Variants in COL24A1 observed in about 807,000 individuals in gnomAD.
The protein encoded by COL24A1 is collagen alpha-1(XXIV) chain.
In COL24A1, 224 loss-of-function variants were observed where a neutral mutation model predicts 253.9. The ratio of observed to expected loss-of-function variants is 0.88; its 90% CI spans 0.79 to 0.99. The LOEUF is 0.99. Among genes scored for constraint, COL24A1 ranks in the 50% least tolerant of loss-of-function variants. The pLI is 0.00. For missense variants in COL24A1, 2,131 were observed against 2,068.5 expected (o/e 1.03, Z -0.59); for synonymous variants, 685 against 673.7 (o/e 1.02, Z -0.26).
At chr1:85,830,436 G>C (rs1179026847) in intron 43 of COL24A1, among the ~76,000 whole-genome samples, 1 of 152,142 alleles carries the variant, frequency 6.6e-6, no homozygotes, top group Non-Finnish European at 1.5e-5. Flanking sequence ...TCCTTGAGCT[G>C]TGGTGGGCTC....
At chr1:85,864,595 TATATC>T (rs1171284082) in intron 37 of COL24A1, among the ~76,000 whole-genome samples, 1 of 152,246 alleles carries the variant, frequency 6.6e-6, no homozygotes, top group South Asian at 2.1e-4. Context: ...ACAAGAAACA[TATATC>T]TTATCATTCT....
At chr1:85,874,444 T>G (rs957332826) in intron 35 of COL24A1, among the ~76,000 whole-genome samples, 1 of 152,176 alleles carries the variant, frequency 6.6e-6, no homozygotes, top group African/African-American at 2.4e-5. Context: ...AAAGGACATA[T>G]GAGGTTAAGA....
At chr1:85,829,314 C>T (rs1304696545) in intron 43 of COL24A1, among the ~76,000 whole-genome samples, 5 of 151,796 alleles carry the variant, frequency 3.3e-5, no homozygotes, top group Non-Finnish European at 7.4e-5. Flanking sequence ...ATGGGCTTTC[C>T]TTTGTGGGTA....
At chr1:85,815,591 G>A (rs1404141276) in intron 47 of COL24A1, among the ~76,000 whole-genome samples, 5 of 151,866 alleles carry the variant, frequency 3.3e-5, no homozygotes, top group East Asian at 1.9e-4. Flanking sequence ...TATTGGTTAA[G>A]TTATCATTTC....
chr1:85,737,466 T>C lies in COL24A1; in HGVS notation c.4712A>G (p.Asp1571Gly), dbSNP rs1372835791. 7 of 1,612,838 alleles carry C rather than the reference T, an allele frequency of 4.3e-6. No individual in the cohort carries two copies. The highest frequency in any genetic ancestry group is 5.9e-6 in the Non-Finnish European group (7 of 1,179,298). ...GAAATTGCAGAAAACCTCAATGGCA[T>C]CTGAAGGACAGCCAAGATTTGGGTC... ...WIDPNLGCPSDAIEVFCNFSA... is the reference protein window; with the variant it reads ...WIDPNLGCPSGAIEVFCNFSA... Residue 1571 changes from aspartate to glycine, a missense_variant, in exon 58 of 60, where the codon GAT becomes GGT. Asp to Gly is a moderately conservative substitution (Grantham distance 94). Transcript: ENST00000370571.
intron 3 of COL24A1, among the ~76,000 whole-genome samples, chr1:86,119,865 G>A (rs1018529195): frequency 2.0e-5 from 3 of 152,152 alleles, no homozygotes; most frequent in Non-Finnish European, 2.9e-5. Context: ...CAAAGCTGGA[G>A]GCATCACGCT....
Position 85,805,404 on chromosome 1 carries a change from T to C in COL24A1, c.3951+11384A>G, listed in dbSNP as rs1220619192. Among the ~76,000 whole-genome samples the C allele has an allele frequency of 3.3e-5, 5 of 152,288 alleles. No individual in the cohort carries two copies. The East Asian group carries it at 9.7e-4, about 29-fold the overall frequency. ...CCAATAGAATCACAACAGCAAATTA[T>C]TTGAAATAAAAAATTCAGCCATATT... On this transcript the variant is annotated intron_variant, in intron 47 of 59. Transcript: ENST00000370571.
intron 2 of COL24A1, among the ~76,000 whole-genome samples, chr1:86,129,721 T>TA: frequency 6.6e-6 from 1 of 151,966 alleles, no homozygotes; most frequent in Admixed American, 6.6e-5. Flanking sequence ...ATTTTGTTAT[T>TA]AAAATCTAAC....
chr1:86,132,479 T>C (rs1337537064), intron 2 of COL24A1, among the ~76,000 whole-genome samples: 1 of 152,186 alleles, frequency 6.6e-6, no homozygotes, highest in African/African-American at 2.4e-5. Context: ...GGTTTTCTTC[T>C]AGGGTTTTTA....
At chr1:86,123,916 A>T (rs1647806069) in intron 3 of COL24A1, among the ~76,000 whole-genome samples, 1 of 151,980 alleles carries the variant, frequency 6.6e-6, no homozygotes, top group African/African-American at 2.4e-5. Flanking sequence ...TCTAGAGCTA[A>T]GCCAAAGACT....
At position 85,987,590 on chromosome 1, in the gene COL24A1, C is replaced by G. The variant is rs962466490; in HGVS notation, c.2364+11G>C. The G allele has an allele frequency of 6.2e-7, 1 of 1,607,210 alleles. No individual in the cohort carries two copies. Among genetic ancestry groups the G allele is most frequent in the Non-Finnish European group, 8.5e-7 (1 of 1,175,416 alleles). On this transcript the variant is annotated intron_variant, in intron 20 of 59. Transcript: ENST00000370571. ...ATAATTGTTTAGTCTCTCTCTTCTT[C>G]TTCTTCTTACCTTTGGTCCTTCAGG...
intron 12 of COL24A1, 55 bp from the exon 13 acceptor site, chr1:86,033,978 G>C (rs1698799922): frequency 7.4e-7 from 1 of 1,356,564 alleles, no homozygotes; most frequent in Non-Finnish European, 9.9e-7. Flanking sequence ...CATTTTTGCT[G>C]TATTTTCTAA....
intron 18 of COL24A1, among the ~76,000 whole-genome samples, chr1:86,019,296 C>A (rs1341137879): frequency 6.6e-6 from 1 of 152,090 alleles, no homozygotes; most frequent in Non-Finnish European, 1.5e-5. Context: ...GTGGCTCACA[C>A]CTATAATCCC....
chr1:85,756,112 T>C (rs954497940), intron 55 of COL24A1, among the ~76,000 whole-genome samples: 21 of 138,512 alleles, frequency 1.5e-4, no homozygotes, highest in African/African-American at 5.5e-4. Context: ...GGCAAATAAC[T>C]TGAATAGACA....
intron 28 of COL24A1, among the ~76,000 whole-genome samples, chr1:85,902,517 A>C (rs1684414880): frequency 6.6e-6 from 1 of 152,208 alleles, no homozygotes; most frequent in Non-Finnish European, 1.5e-5. Context: ...GGGGCACTTC[A>C]GACTTCACTC....
chr1:86,058,961 A>G (rs1344602683), intron 9 of COL24A1, among the ~76,000 whole-genome samples, 160 bp downstream of exon 9: 2 of 152,168 alleles, frequency 1.3e-5, no homozygotes, highest in African/African-American at 4.8e-5. Context: ...CTGAAGAAAA[A>G]TTGTAATGGA....
chr1:85,998,592 G>C (rs939892156), intron 19 of COL24A1, among the ~76,000 whole-genome samples: 2 of 152,108 alleles, frequency 1.3e-5, no homozygotes, highest in African/African-American at 4.8e-5. Flanking sequence ...TTGGTCCCTT[G>C]CATTTCCACA....
At chr1:86,092,611 TTTATTA>T (rs1229587345) in intron 5 of COL24A1, among the ~76,000 whole-genome samples, 19 of 152,060 alleles carry the variant, frequency 1.2e-4, no homozygotes, top group Middle Eastern at 3.4e-3. Flanking sequence ...CCTAGGTAGA[TTTATTA>T]TTTTTTCCAT....
rs1468129758 is a variant in COL24A1 at position 86,140,411 on chromosome 1, A to T, written c.121+5708T>A. The stretch of plus-strand genomic sequence containing the variant: ...TATTCTGTATAAAGAGATAAATGCT[A>T]ATTTATTTATAAAATGAGAAATGAA... On this transcript the variant is annotated intron_variant, in intron 2 of 59. Transcript: ENST00000370571. Among the ~76,000 whole-genome samples the T allele has an allele frequency of 2.0e-5, 3 of 152,244 alleles. No individual in the cohort carries two copies. In the East Asian group the frequency reaches 5.8e-4, roughly 29 times the overall value.
Sources: gnomAD v4.1 joint callset for allele counts (sites outside exome capture counted in the v4.1 genomes callset) on GRCh38, gnomAD v4.1.1 for gene constraint, MANE v1.5 for transcripts, NCBI Gene and HGNC (gene_info 2026-07-23, HGNC 2026-07-21) for gene names.